Variants in ACKR3 observed in about 807,000 individuals in gnomAD.
ACKR3 encodes atypical chemokine receptor 3.
ACKR3 carries 6 observed loss-of-function variants against 22.4 expected under a neutral mutation model. The ratio of observed to expected loss-of-function variants is 0.27; its 90% CI spans 0.15 to 0.53. The LOEUF is 0.53. ACKR3 is among the 20% of genes least tolerant of loss of function. The probability of loss-of-function intolerance (pLI) is 0.96; values close to 1 mark genes in which losing one functional copy is unlikely to be tolerated. For missense variants in ACKR3, 396 were observed against 475.2 expected, an observed-to-expected ratio of 0.83 and a Z score of 1.55; for synonymous variants, 209 against 205.2, an observed-to-expected ratio of 1.02 and a Z score of -0.16.
Position 236,573,190 on chromosome 2 carries a change from G to GCA in ACKR3, c.-27+3280_-27+3281dup, listed in dbSNP as rs147207140. The stretch of plus-strand genomic sequence containing the variant: ...CACAGACACACAGACACACACACAT[G>GCA]CACACACACACACACCCCACTCAAT... On this transcript the variant is annotated intron_variant, in intron 1 of 1. Coordinates refer to ENST00000272928, the MANE Select transcript of ACKR3 (RefSeq NM_020311.3). Among the ~76,000 whole-genome samples, 207 of 151,188 alleles carry GCA rather than the reference G, an allele frequency of 1.4e-3. 1 individual carries two copies. Among genetic ancestry groups the GCA allele is most frequent in the Middle Eastern group, 3.4e-3 (1 of 294 alleles).
At chr2:236,569,997 C>G (rs1451998291) in intron 1 of ACKR3, 73 bp downstream of exon 1, 2 of 152,236 alleles carry the variant, frequency 1.3e-5, no homozygotes, top group African/African-American at 4.8e-5. Context: ...GCCAAGTGGT[C>G]TTTTCAAAGG....
the ACKR3 span, among the ~76,000 whole-genome samples, chr2:236,561,313 G>C: frequency 6.6e-6 from 1 of 152,132 alleles, no homozygotes; most frequent in African/African-American, 2.4e-5. Context: ...TCTAAAAAAA[G>C]AAGAGTATGG....
rs1691431702 is a variant in ACKR3, at chr2:236,577,342, C to T, written c.-26-3098C>T. 6.6e-6 allele frequency among the ~76,000 whole-genome samples: 1 copy of T among 152,176 alleles called. No individual in the cohort carries two copies. Among genetic ancestry groups the T allele is most frequent in the African/African-American group, 2.4e-5 (1 of 41,446 alleles). ...CCTATCTCAGAAATACTGTTTTTGA[C>T]TCAGAGGACCAATGGTCCCTAAATC... On this transcript the variant is annotated intron_variant, in intron 1 of 1. Transcript: ENST00000272928. The surrounding 1 kb of genome is among the most constrained non-coding windows in gnomAD (Gnocchi z 5.6).
At chr2:236,561,718 C>CTGATCTCTGG in the ACKR3 span, among the ~76,000 whole-genome samples, 1 of 152,204 alleles carries the variant, frequency 6.6e-6, no homozygotes, top group East Asian at 1.9e-4. Context: ...TCTCAAACCC[C>CTGATCTCTGG]TGATCTCTGG....
the ACKR3 span, among the ~76,000 whole-genome samples, chr2:236,544,608 G>A: frequency 6.6e-6 from 1 of 152,178 alleles, no homozygotes; most frequent in Non-Finnish European, 1.5e-5. The surrounding 1 kb of genome is among the most constrained non-coding windows in gnomAD (Gnocchi z 5.0). Context: ...GGCCTGAGTC[G>A]ATGGGAATAG....
chr2:236,540,391 G>T, the ACKR3 span, among the ~76,000 whole-genome samples: 2 of 148,856 alleles, frequency 1.3e-5, no homozygotes, highest in African/African-American at 4.9e-5. Flanking sequence ...TCTTCTTATT[G>T]AGTTATACGG....
At position 236,581,492 on chromosome 2, in the gene ACKR3, C is replaced by T; in HGVS notation, c.1027C>T (p.Leu343Phe). The change falls in exon 2 of 2, where the codon CTC (leucine) becomes TTC (phenylalanine). Residue 343 changes from leucine (L) to phenylalanine (F), a missense_variant. Coordinates refer to ENST00000272928, the MANE Select transcript of ACKR3 (RefSeq NM_020311.3). The surrounding 1 kb of genome is among the most constrained non-coding windows in gnomAD (Gnocchi z 4.4). ...KYSAKTGLTKLIDASRVSETE... is the reference protein window; with the variant it reads ...KYSAKTGLTKFIDASRVSETE... ...CTCGGCCAAAACAGGGCTCACCAAG[C>T]TCATCGATGCCTCCAGAGTCTCAGA... is the stretch of plus-strand genomic sequence containing the variant. The T allele has an allele frequency of 6.2e-7, 1 of 1,614,200 alleles. No individual in the cohort carries two copies. Among genetic ancestry groups the T allele is most frequent in the Non-Finnish European group, 8.5e-7 (1 of 1,180,030 alleles).
chr2:236,575,170 T>A (rs973552178), intron 1 of ACKR3, among the ~76,000 whole-genome samples: 4 of 151,966 alleles, frequency 2.6e-5, no homozygotes, highest in Non-Finnish European at 5.9e-5. Flanking sequence ...CCTCCCTCTA[T>A]GAAAATTTAC....
At chr2:236,538,489 C>T in the ACKR3 span, among the ~76,000 whole-genome samples, 1 of 152,196 alleles carries the variant, frequency 6.6e-6, no homozygotes, top group Non-Finnish European at 1.5e-5. Context: ...TTGCCACCCC[C>T]ACCCTCCTAC....
chr2:236,545,440 C>A, the ACKR3 span, among the ~76,000 whole-genome samples: 1 of 152,228 alleles, frequency 6.6e-6, no homozygotes. The surrounding 1 kb of genome is among the most constrained non-coding windows in gnomAD (Gnocchi z 5.3). Flanking sequence ...TTTGACATTT[C>A]TTCCGCATTT....
Position 236,574,642 on chromosome 2 carries a change from C to G in ACKR3, c.-27+4718C>G, listed in dbSNP as rs1444372838. Among the ~76,000 whole-genome samples, 2 of 152,148 alleles carry G rather than the reference C, an allele frequency of 1.3e-5. No individual in the cohort carries two copies. Among genetic ancestry groups the G allele is most frequent in the Non-Finnish European group, 2.9e-5 (2 of 68,028 alleles). ...CGTGAGGACATGCTGATTGCATACTCAGCCACCACCCATGAAGGCTCTAAA... is the reference window on the plus strand; with the variant it reads ...CGTGAGGACATGCTGATTGCATACTGAGCCACCACCCATGAAGGCTCTAAA... On this transcript the variant is annotated intron_variant, in intron 1 of 1. Transcript: ENST00000272928. This position sits in a 1 kb window ranked among gnomAD's most constrained non-coding sequence, Gnocchi z 5.6.
upstream of ACKR3, among the ~76,000 whole-genome samples, chr2:236,563,470 G>A (rs181614482): frequency 6.6e-6 from 1 of 152,312 alleles, no homozygotes; most frequent in Non-Finnish European, 1.5e-5. Flanking sequence ...GAGTAACTAG[G>A]ATGGGAAGAT....
the ACKR3 span, among the ~76,000 whole-genome samples, chr2:236,549,421 C>A: frequency 2.0e-5 from 3 of 152,202 alleles, no homozygotes; most frequent in Non-Finnish European, 4.4e-5. This position sits in a 1 kb window ranked among gnomAD's most constrained non-coding sequence, Gnocchi z 5.3. Context: ...TCCTTAATGA[C>A]CTGAAGGCTC....
At chr2:236,559,383 G>A in the ACKR3 span, among the ~76,000 whole-genome samples, 2 of 152,180 alleles carry the variant, frequency 1.3e-5, no homozygotes, top group Admixed American at 1.3e-4. Context: ...TAAAAATATT[G>A]TAGAGACGTT....
rs1231413901 is a variant in ACKR3, at chr2:236,577,933, C to T, written c.-26-2507C>T. Reference sequence around the variant, plus strand: ...GCTGCCCAGCTGTGGGGCGGTCCTCCATTCAAGCTCCTCTGCTCCCCGGGA... The same window carrying T: ...GCTGCCCAGCTGTGGGGCGGTCCTCTATTCAAGCTCCTCTGCTCCCCGGGA... On this transcript the variant is annotated intron_variant, in intron 1 of 1. Coordinates refer to ENST00000272928, the MANE Select transcript of ACKR3 (RefSeq NM_020311.3). The surrounding 1 kb of genome is among the most constrained non-coding windows in gnomAD (Gnocchi z 5.6). 1.3e-5 allele frequency among the ~76,000 whole-genome samples: 2 copies of T among 152,216 alleles called. No homozygotes were observed. Among genetic ancestry groups the T allele is most frequent in the Non-Finnish European group, 2.9e-5 (2 of 68,048 alleles).
chr2:236,560,316 C>CTTTTTT, the ACKR3 span, among the ~76,000 whole-genome samples: 18 of 118,912 alleles, frequency 1.5e-4, 2 homozygotes, highest in African/African-American at 3.0e-4. Context: ...CACTTGTTGC[C>CTTTTTT]TTTTTTTTTT....
At chr2:236,552,572 T>C in the ACKR3 span, among the ~76,000 whole-genome samples, 2,368 of 152,168 alleles carry the variant, frequency 0.016, 45 homozygotes, top group African/African-American at 0.045. Flanking sequence ...ATAATTTTAT[T>C]TGGAAAAAAT....
At chr2:236,543,544 A>G in the ACKR3 span, among the ~76,000 whole-genome samples, 1 of 152,176 alleles carries the variant, frequency 6.6e-6, no homozygotes, top group African/African-American at 2.4e-5. Flanking sequence ...CGTGAGTCCC[A>G]ATCCCACCCC....
chr2:236,566,600 C>T (rs1386346691), upstream of ACKR3, among the ~76,000 whole-genome samples: 1 of 152,192 alleles, frequency 6.6e-6, no homozygotes, highest in Non-Finnish European at 1.5e-5. Context: ...TACTGCAGAG[C>T]GTCACTCTAA....
Sources: allele counts gnomAD v4.1 joint callset (sites outside exome capture counted in the v4.1 genomes callset), GRCh38; gene constraint gnomAD v4.1.1; non-coding constraint Gnocchi (gnomAD v3.1); transcripts MANE v1.5; gene names NCBI Gene and HGNC (gene_info 2026-07-23, HGNC 2026-07-21).